The following ETFDH variants were observed in gnomAD, a reference collection of about 807,000 sequenced individuals.
The protein encoded by ETFDH is electron transfer flavoprotein-ubiquinone oxidoreductase, mitochondrial.
A neutral mutation model predicts 73.2 loss-of-function variants in ETFDH; 61 were observed. That is an observed-to-expected ratio of 0.83 (90% confidence interval 0.68 to 1.03). The LOEUF (loss-of-function observed/expected upper bound fraction) is 1.03, where lower values mean the gene tolerates loss of function less well. Among genes scored for constraint, ETFDH ranks in the 50% least tolerant of loss-of-function variants. The probability of loss-of-function intolerance (pLI) is 0.00; values close to 1 mark genes in which losing one functional copy is unlikely to be tolerated. For missense variants in ETFDH, 685 were observed against 745.0 expected, an observed-to-expected ratio of 0.92 and a Z score of 0.94; for synonymous variants, 243 against 253.3, an observed-to-expected ratio of 0.96 and a Z score of 0.39.
chr4:158,699,192 A>G, intron 9 of ETFDH, 62 bp downstream of exon 9: 2 of 1,358,166 alleles, frequency 1.5e-6, no homozygotes, highest in East Asian at 2.3e-5. Flanking sequence ...TGAACATATA[A>G]TGTAACAAAT....
chr4:158,689,595 C>CATAT (rs573706904), intron 5 of ETFDH, among the ~76,000 whole-genome samples: 7 of 32,764 alleles, frequency 2.1e-4, no homozygotes, highest in African/African-American at 4.1e-4. Context: ...ATAAAACCTT[C>CATAT]ATATATATAT....
intron 5 of ETFDH, among the ~76,000 whole-genome samples, chr4:158,686,520 A>G (rs1028799556): frequency 2.0e-5 from 3 of 152,184 alleles, no homozygotes; most frequent in African/African-American, 7.2e-5. Context: ...GTCTGTTCAC[A>G]TTCTCTTTGG....
chr4:158,698,240 T>C (rs1045040543), intron 8 of ETFDH, among the ~76,000 whole-genome samples: 2 of 152,346 alleles, frequency 1.3e-5, no homozygotes, highest in South Asian at 2.1e-4. Context: ...AAAATTAGTT[T>C]CTGTACCTTG....
chr4:158,682,068 T>C, intron 2 of ETFDH, 127 bp from the exon 3 acceptor site: 6 of 1,253,382 alleles, frequency 4.8e-6, no homozygotes, highest in Non-Finnish European at 6.9e-6. Flanking sequence ...AATATAATTA[T>C]TGTGCAAAAC....
At chr4:158,694,022 A>T (rs77487671) in intron 6 of ETFDH, among the ~76,000 whole-genome samples, 4,578 of 152,226 alleles carry the variant, frequency 0.03, 120 homozygotes, top group South Asian at 0.14. Flanking sequence ...TTTCCTGATC[A>T]CTCAATCTAG....
Position 158,709,572 on chromosome 4 carries a change from A to G in ETFDH, c.*1045A>G, listed in dbSNP as rs1774741804. The stretch of plus-strand genomic sequence containing the variant: ...ACCACTTTACTTACTGTATTGTGAC[A>G]TGTTTATTAAGCATGAACCCCTATC... On this transcript the variant is annotated 3_prime_UTR_variant, in exon 13 of 13. Transcript: ENST00000511912. 3.8e-6 allele frequency: 2 copies of G among 527,118 alleles called. No homozygotes were observed. Among genetic ancestry groups the G allele is most frequent in the Admixed American group, 3.7e-5 (1 of 26,970 alleles). 32.7% of individuals were successfully genotyped at this position (527,118 alleles called of 1,614,324 possible).
chr4:158,708,340 A>C (rs780393943), intron 12 of ETFDH, 24 bp from the exon 13 acceptor site: 1 of 1,584,846 alleles, frequency 6.3e-7, no homozygotes, highest in Admixed American at 1.7e-5. Context: ...AGGCACTTCA[A>C]TATTATTTAT....
At chr4:158,689,352 G>A (rs116595611) in intron 5 of ETFDH, among the ~76,000 whole-genome samples, 2 of 151,540 alleles carry the variant, frequency 1.3e-5, no homozygotes, top group African/African-American at 2.4e-5. Context: ...GACTGGAATC[G>A]GTGTCAAAGT....
intron 10 of ETFDH, among the ~76,000 whole-genome samples, chr4:158,704,479 C>G (rs952228202): frequency 6.6e-6 from 1 of 152,190 alleles, no homozygotes; most frequent in Non-Finnish European, 1.5e-5. Flanking sequence ...TTCTCTTTCC[C>G]TTTGTTTAAA....
chr4:158,700,508 T>C (rs142687294), intron 9 of ETFDH, among the ~76,000 whole-genome samples: 347 of 151,372 alleles, frequency 2.3e-3, no homozygotes, highest in African/African-American at 8.0e-3. Flanking sequence ...ATGTCAAACA[T>C]GTCAAATGAT....
chr4:158,691,574 C>T (rs1406130922), intron 6 of ETFDH, among the ~76,000 whole-genome samples: 2 of 152,184 alleles, frequency 1.3e-5, no homozygotes, highest in Non-Finnish European at 2.9e-5. Context: ...CCACCCACCT[C>T]GGCCTCCCAA....
chr4:158,696,448 G>A (rs1774309130), intron 7 of ETFDH, among the ~76,000 whole-genome samples: 1 of 152,032 alleles, frequency 6.6e-6, no homozygotes, highest in African/African-American at 2.4e-5. Context: ...CAAGACTGCA[G>A]TGACCTGTGA....
intron 6 of ETFDH, among the ~76,000 whole-genome samples, chr4:158,691,883 G>T (rs1245557971): frequency 6.6e-6 from 1 of 152,158 alleles, no homozygotes; most frequent in Non-Finnish European, 1.5e-5. Flanking sequence ...GCCTATTCAG[G>T]TTTATTTATT....
chr4:158,672,376 C>A lies in ETFDH; in HGVS notation c.-81C>A. The A allele has an allele frequency of 1.4e-6, 2 of 1,463,156 alleles. No individual in the cohort carries two copies. Among genetic ancestry groups the A allele is most frequent in the Non-Finnish European group, 1.9e-6 (2 of 1,043,084 alleles). The allele number at this position is 1,463,156 out of a possible 1,614,324, so 90.6% of individuals were successfully genotyped here. On this transcript the variant is annotated 5_prime_UTR_variant, in exon 1 of 13. Coordinates refer to ENST00000511912, the MANE Select transcript of ETFDH (RefSeq NM_004453.4). Reference sequence around the variant, plus strand: ...TTCCGGCAGGTGATGGCGCCCCCCGCGGCCTAGAGGTCCAGCGCCCGCCGC... The same window carrying A: ...TTCCGGCAGGTGATGGCGCCCCCCGAGGCCTAGAGGTCCAGCGCCCGCCGC...
At chr4:158,702,449 T>C (rs1774489363) in intron 9 of ETFDH, among the ~76,000 whole-genome samples, 1 of 152,156 alleles carries the variant, frequency 6.6e-6, no homozygotes, top group Non-Finnish European at 1.5e-5. Flanking sequence ...CCAATCTCCA[T>C]ATCCCGCCCC....
At chr4:158,692,910 G>A (rs977041385) in intron 6 of ETFDH, among the ~76,000 whole-genome samples, 3 of 141,254 alleles carry the variant, frequency 2.1e-5, no homozygotes, top group Non-Finnish European at 3.1e-5. Context: ...TATATATATG[G>A]TTTTTAACTT....
At chr4:158,705,390 C>T (rs75788773) in intron 10 of ETFDH, among the ~76,000 whole-genome samples, 4 of 152,290 alleles carry the variant, frequency 2.6e-5, no homozygotes, top group African/African-American at 9.6e-5. Context: ...GGATACCAGC[C>T]ATATTGGATT....
chr4:158,703,191 G>A lies in ETFDH; in HGVS notation c.1117-232G>A, dbSNP rs73858521. 0.013 allele frequency among the ~76,000 whole-genome samples: 1,918 copies of A among 152,176 alleles called. 41 individuals carry two copies. The highest frequency in any genetic ancestry group is 0.042 in the African/African-American group (1,725 of 41,522). On this transcript the variant is annotated intron_variant, in intron 9 of 12. Coordinates refer to ENST00000511912, the MANE Select transcript of ETFDH (RefSeq NM_004453.4). ...TCCCATGTAGATCAGTTATGAGGAT[G>A]GAAAAAGAAAAACTCTCACAGAAAA...
intron 1 of ETFDH, among the ~76,000 whole-genome samples, chr4:158,673,563 T>C (rs1037953605): frequency 3.3e-5 from 5 of 152,254 alleles, no homozygotes; most frequent in African/African-American, 1.2e-4. Flanking sequence ...GATATTCTTA[T>C]GAAATTTCAT....
Sources: allele counts gnomAD v4.1 joint callset (sites outside exome capture counted in the v4.1 genomes callset), GRCh38; gene constraint gnomAD v4.1.1; transcripts MANE v1.5; gene names NCBI Gene and HGNC (gene_info 2026-07-23, HGNC 2026-07-21).